The following PRKD1 variants were observed in gnomAD, a reference collection of about 807,000 sequenced individuals.
PRKD1 encodes protein kinase D1.
Under a neutral mutation model 95.9 loss-of-function variants are expected in PRKD1, and 63 were observed. The ratio of observed to expected loss-of-function variants is 0.66; its 90% CI spans 0.54 to 0.81. PRKD1 has a LOEUF of 0.81. Among genes scored for constraint, PRKD1 ranks in the 30% least tolerant of loss-of-function variants. The probability of loss-of-function intolerance (pLI) is 0.00; values close to 1 mark genes in which losing one functional copy is unlikely to be tolerated. For missense variants in PRKD1, 1,048 were observed against 1,165.3 expected, an observed-to-expected ratio of 0.90 and a Z score of 1.47; for synonymous variants, 425 against 423.1, an observed-to-expected ratio of 1.00 and a Z score of -0.05.
chr14:29,891,327 T>C (rs1280327416), intron 1 of PRKD1, among the ~76,000 whole-genome samples: 1 of 149,852 alleles, frequency 6.7e-6, no homozygotes, highest in Non-Finnish European at 1.5e-5. Context: ...AGAACCACCA[T>C]GAATGGTGAC....
At chr14:29,866,096 A>G (rs1369919841) in intron 1 of PRKD1, among the ~76,000 whole-genome samples, 1 of 152,176 alleles carries the variant, frequency 6.6e-6, no homozygotes, top group Admixed American at 6.6e-5. Context: ...TGTTTATTAC[A>G]GATAAATCAT....
At chr14:29,812,926 G>T (rs1211135344) in intron 1 of PRKD1, among the ~76,000 whole-genome samples, 1 of 152,126 alleles carries the variant, frequency 6.6e-6, no homozygotes, top group Non-Finnish European at 1.5e-5. Flanking sequence ...CGGCCTACAT[G>T]GCGAAACCCT....
chr14:29,664,426 T>C (rs914369075), intron 3 of PRKD1, among the ~76,000 whole-genome samples: 1 of 152,178 alleles, frequency 6.6e-6, no homozygotes, highest in Non-Finnish European at 1.5e-5. Flanking sequence ...GAAACAGATT[T>C]CCCACCTAGG....
intron 16 of PRKD1, among the ~76,000 whole-genome samples, chr14:29,580,132 T>C (rs1421548819): frequency 2.0e-5 from 3 of 152,114 alleles, no homozygotes; most frequent in Non-Finnish European, 4.4e-5. Context: ...CTCATTCTGT[T>C]TGGAATTCTG....
At chr14:29,786,086 G>A (rs1566600684) in intron 1 of PRKD1, among the ~76,000 whole-genome samples, 1 of 152,024 alleles carries the variant, frequency 6.6e-6, no homozygotes, top group Non-Finnish European at 1.5e-5. Flanking sequence ...CACTTTTTCT[G>A]GATCTATTGA....
Position 29,826,834 on chromosome 14 carries a change from TATATACACAC to T in PRKD1, c.264+100405_264+100414del, listed in dbSNP as rs1290652659. ...ATATACACATATATATATATATATA[TATATACACAC>T]ATATATATATATATATATATATATA... On this transcript the variant is annotated intron_variant, in intron 1 of 17. Coordinates refer to ENST00000331968, the MANE Select transcript of PRKD1 (RefSeq NM_002742.3). Among the ~76,000 whole-genome samples, 18 of 27,108 alleles carry T rather than the reference TATATACACAC, an allele frequency of 6.6e-4. 1 individual carries two copies. The highest frequency in any genetic ancestry group is 1.2e-3 in the African/African-American group (9 of 7,376). The allele number at this position is 27,108 out of a possible 152,430, so 17.8% of individuals were successfully genotyped here.
At chr14:29,591,718 G>T (rs1893137001) in intron 16 of PRKD1, among the ~76,000 whole-genome samples, 1 of 152,114 alleles carries the variant, frequency 6.6e-6, no homozygotes, top group South Asian at 2.1e-4. Context: ...CTTGCTTTGA[G>T]TAATAGCTAG....
At chr14:29,775,727 T>C (rs1888714376) in intron 1 of PRKD1, among the ~76,000 whole-genome samples, 1 of 152,094 alleles carries the variant, frequency 6.6e-6, no homozygotes, top group African/African-American at 2.4e-5. Context: ...GGGCAGGGCA[T>C]AGCTGAATAA....
intron 1 of PRKD1, among the ~76,000 whole-genome samples, chr14:29,728,638 T>C (rs1355870034): frequency 6.6e-6 from 1 of 152,224 alleles, no homozygotes; most frequent in Non-Finnish European, 1.5e-5. Flanking sequence ...TAGTATTTCA[T>C]TAAATGGATC....
chr14:29,832,155 C>T (rs994868820), intron 1 of PRKD1, among the ~76,000 whole-genome samples: 5 of 152,204 alleles, frequency 3.3e-5, no homozygotes, highest in East Asian at 1.9e-4. Context: ...TTTTCCAAAG[C>T]GATTGTACCA....
chr14:29,745,549 A>T (rs1162157829), intron 1 of PRKD1, among the ~76,000 whole-genome samples: 1 of 152,136 alleles, frequency 6.6e-6, no homozygotes, highest in Non-Finnish European at 1.5e-5. Context: ...GCTCACTGCA[A>T]CCTTGAACTC....
At chr14:29,750,874 A>G (rs1181137607) in intron 1 of PRKD1, among the ~76,000 whole-genome samples, 1 of 152,188 alleles carries the variant, frequency 6.6e-6, no homozygotes, top group African/African-American at 2.4e-5. Context: ...CATAGGAGAT[A>G]TTTGCAGGTA....
chr14:29,644,714 A>C (rs924297561), intron 4 of PRKD1, among the ~76,000 whole-genome samples: 1 of 152,134 alleles, frequency 6.6e-6, no homozygotes, highest in Non-Finnish European at 1.5e-5. Context: ...GAAGACCTTT[A>C]TATATGCCAA....
At chr14:29,909,242 G>A (rs1894610562) in intron 1 of PRKD1, among the ~76,000 whole-genome samples, 1 of 151,974 alleles carries the variant, frequency 6.6e-6, no homozygotes, top group African/African-American at 2.4e-5. Flanking sequence ...ATGGGGCAGG[G>A]CTCAGGACCT....
chr14:29,578,313 A>G lies in PRKD1; in HGVS notation c.2482T>C (p.Tyr828His), dbSNP rs369453063. Residue 828 changes from tyrosine to histidine, a missense_variant, in exon 17 of 18, where the codon TAC (tyrosine) becomes CAC (histidine). Transcript: ENST00000331968. The part of the protein sequence containing the change: ...NLLQVKMRKR[Y>H]SVDKTLSHPW... ...TGGCTCAAGGTCTTATCCACACTGT[A>G]GCGCTTTCTCATTTTTACTTGCAGC... 25 of 1,611,390 alleles carry G rather than the reference A, an allele frequency of 1.6e-5. No individual in the cohort carries two copies. The highest frequency in any genetic ancestry group is 2.1e-5 in the Non-Finnish European group (25 of 1,178,956).
chr14:29,662,636 GT>G (rs1437731282), intron 4 of PRKD1, among the ~76,000 whole-genome samples: 4 of 151,914 alleles, frequency 2.6e-5, no homozygotes, highest in Non-Finnish European at 4.4e-5. Context: ...TATACTCCTG[GT>G]TTACACTGTA....
At chr14:29,805,827 G>C (rs1272901945) in intron 1 of PRKD1, among the ~76,000 whole-genome samples, 1 of 152,214 alleles carries the variant, frequency 6.6e-6, no homozygotes, top group East Asian at 1.9e-4. Context: ...CAGAAAGTGT[G>C]AGTCATCACA....
rs45501997 is a variant in PRKD1, at chr14:29,716,855, G to A, written c.403+8681C>T. On this transcript the variant is annotated intron_variant, in intron 2 of 17. Coordinates refer to ENST00000331968, the MANE Select transcript of PRKD1 (RefSeq NM_002742.3). Reference sequence around the variant, plus strand: ...AATCATAGAAATTAGGAAAACAATTGGTATTCCATGAATTAAGTATAATTT... The same window carrying A: ...AATCATAGAAATTAGGAAAACAATTAGTATTCCATGAATTAAGTATAATTT... 8.7e-3 allele frequency among the ~76,000 whole-genome samples: 1,325 copies of A among 152,066 alleles called. 24 individuals carry two copies. Among genetic ancestry groups the A allele is most frequent in the African/African-American group, 0.03 (1,225 of 41,502 alleles).
chr14:29,613,023 G>A (rs368015132), intron 13 of PRKD1, among the ~76,000 whole-genome samples: 56 of 152,220 alleles, frequency 3.7e-4, no homozygotes, highest in African/African-American at 1.1e-3. Flanking sequence ...GCGTGAACTC[G>A]GGAGGTGGAG....
Sources: allele counts gnomAD v4.1 joint callset (sites outside exome capture counted in the v4.1 genomes callset), GRCh38; gene constraint gnomAD v4.1.1; transcripts MANE v1.5; gene names NCBI Gene and HGNC (gene_info 2026-07-23, HGNC 2026-07-21).